Variants in GALNT13 observed in about 807,000 individuals in gnomAD.
GALNT13 encodes polypeptide N-acetylgalactosaminyltransferase 13.
A neutral mutation model predicts 64.2 loss-of-function variants in GALNT13; 28 were observed. The ratio of observed to expected loss-of-function variants is 0.44; its 90% confidence interval spans 0.32 to 0.60. The LOEUF is 0.60. GALNT13 is among the 20% of genes least tolerant of loss of function. GALNT13 has a pLI of 0.05. For missense variants in GALNT13, 577 were observed against 669.8 expected, an observed-to-expected ratio of 0.86 and a Z score of 1.53; for synonymous variants, 214 against 224.6, an observed-to-expected ratio of 0.95 and a Z score of 0.42.
At chr2:153,341,503 T>C in the GALNT13 span, among the ~76,000 whole-genome samples, 2 of 152,236 alleles carry the variant, frequency 1.3e-5, no homozygotes, top group Non-Finnish European at 2.9e-5. Context: ...TTCTCCTTCT[T>C]ACAGCATATC....
Position 153,918,668 on chromosome 2 carries a change from T to C in GALNT13, c.-105+17661T>C, listed in dbSNP as rs148237491. On this transcript the variant is annotated intron_variant, in intron 2 of 12. Transcript: ENST00000392825. ...CAGTGCTCTGGATCCTACAGCTATC[T>C]GTGCATGTTCTAAGGGTGATAGTTC... 5.9e-5 allele frequency among the ~76,000 whole-genome samples: 9 copies of C among 152,278 alleles called. No individual in the cohort carries two copies. The East Asian group carries it at 1.7e-3, about 29-fold the overall frequency.
intron 9 of GALNT13, among the ~76,000 whole-genome samples, chr2:154,317,760 T>C (rs1488585266): frequency 6.6e-6 from 1 of 152,126 alleles, no homozygotes; most frequent in Non-Finnish European, 1.5e-5. Flanking sequence ...CACAGTGTCC[T>C]GATTTTTGAA....
intron 3 of GALNT13, among the ~76,000 whole-genome samples, chr2:153,947,729 T>C (rs910460387): frequency 1.3e-5 from 2 of 152,138 alleles, no homozygotes; most frequent in African/African-American, 4.8e-5. Context: ...AAATTGCTTT[T>C]GGTGTCTTCA....
chr2:153,462,441 G>T, the GALNT13 span, among the ~76,000 whole-genome samples: 2 of 152,010 alleles, frequency 1.3e-5, no homozygotes, highest in Non-Finnish European at 2.9e-5. Flanking sequence ...GCAACTATTA[G>T]CTCTGCTTAT....
chr2:153,539,155 T>C, the GALNT13 span, among the ~76,000 whole-genome samples: 3 of 148,706 alleles, frequency 2.0e-5, no homozygotes, highest in African/African-American at 7.6e-5. Flanking sequence ...ATGATGAGCA[T>C]TTTTCCATGT....
At chr2:154,326,203 C>T (rs1198092279) in intron 9 of GALNT13, among the ~76,000 whole-genome samples, 1 of 151,816 alleles carries the variant, frequency 6.6e-6, no homozygotes, top group Admixed American at 6.6e-5. Context: ...TCTGGTTGGC[C>T]CTGTCTGGTG....
chr2:154,058,255 C>G (rs1699998323), intron 3 of GALNT13, among the ~76,000 whole-genome samples: 1 of 151,430 alleles, frequency 6.6e-6, no homozygotes, highest in Non-Finnish European at 1.5e-5. Flanking sequence ...AGAACCCAAT[C>G]ATACTGCCAT....
chr2:153,857,313 C>G, the GALNT13 span, among the ~76,000 whole-genome samples: 1 of 152,110 alleles, frequency 6.6e-6, no homozygotes, highest in African/African-American at 2.4e-5. Flanking sequence ...ACCACTGATA[C>G]AAGGATTTAT....
the GALNT13 span, among the ~76,000 whole-genome samples, chr2:153,488,759 G>A: frequency 2.0e-5 from 3 of 152,184 alleles, no homozygotes; most frequent in African/African-American, 2.4e-5. Flanking sequence ...TGGTTTGACT[G>A]CCTCCCCTCC....
chr2:153,119,866 G>A, the GALNT13 span, among the ~76,000 whole-genome samples: 16 of 152,274 alleles, frequency 1.1e-4, no homozygotes, highest in Admixed American at 8.5e-4. Context: ...ATCTTAACAC[G>A]TGTTCTACGT....
chr2:154,438,579 T>C lies in GALNT13; in HGVS notation c.1396-13T>C, dbSNP rs765000119. Reference sequence around the variant, plus strand: ...ACATACATTTTTTTTATTAGCTGAATTTATATTTTCAGGTATTTTCTTACA... The same window carrying C: ...ACATACATTTTTTTTATTAGCTGAACTTATATTTTCAGGTATTTTCTTACA... On this transcript the variant is annotated splice_polypyrimidine_tract_variant and intron_variant, in intron 11 of 12. Coordinates refer to ENST00000392825, the MANE Select transcript of GALNT13 (RefSeq NM_052917.4). The C allele has an allele frequency of 2.1e-5, 34 of 1,599,202 alleles. No individual in the cohort carries two copies. The South Asian group carries it at 2.5e-4, about 12-fold the overall frequency.
the GALNT13 span, among the ~76,000 whole-genome samples, chr2:153,352,953 T>G: frequency 6.6e-6 from 1 of 152,132 alleles, no homozygotes; most frequent in Non-Finnish European, 1.5e-5. Flanking sequence ...TGCCTCTGTC[T>G]ATAAACTATA....
At chr2:154,010,989 G>GT (rs1384337127) in intron 3 of GALNT13, among the ~76,000 whole-genome samples, 2 of 150,832 alleles carry the variant, frequency 1.3e-5, no homozygotes, top group African/African-American at 2.4e-5. Context: ...GATCTTCTCT[G>GT]TTTTTTTCTT....
the GALNT13 span, among the ~76,000 whole-genome samples, chr2:153,661,060 G>A: frequency 3.3e-5 from 5 of 152,118 alleles, no homozygotes; most frequent in African/African-American, 1.2e-4. Flanking sequence ...GGCTTCAGCA[G>A]CGTACAAATC....
chr2:154,108,935 T>C (rs1388257124), intron 3 of GALNT13, among the ~76,000 whole-genome samples: 1 of 152,112 alleles, frequency 6.6e-6, no homozygotes, highest in African/African-American at 2.4e-5. Context: ...TTAATTATCA[T>C]AGCTCTGTGG....
intron 3 of GALNT13, among the ~76,000 whole-genome samples, chr2:154,087,403 G>T (rs879310668): frequency 2.0e-5 from 3 of 151,916 alleles, no homozygotes; most frequent in Non-Finnish European, 4.4e-5. Flanking sequence ...TGATTATACT[G>T]AAACATTTTT....
At chr2:154,303,974 T>C (rs564704186) in intron 9 of GALNT13, among the ~76,000 whole-genome samples, 2 of 152,236 alleles carry the variant, frequency 1.3e-5, no homozygotes, top group East Asian at 3.9e-4. Context: ...GCCAGGCTGG[T>C]CTCGAACTCC....
At chr2:154,273,553 A>G (rs1253959545) in intron 8 of GALNT13, among the ~76,000 whole-genome samples, 1 of 152,154 alleles carries the variant, frequency 6.6e-6, no homozygotes, top group Non-Finnish European at 1.5e-5. Flanking sequence ...GTTTTGGTCA[A>G]CAACGACACA....
chr2:153,814,449 ATAAG>A, the GALNT13 span, among the ~76,000 whole-genome samples: 26 of 148,304 alleles, frequency 1.8e-4, no homozygotes, highest in African/African-American at 5.8e-4. Context: ...CAATAAATAA[ATAAG>A]TAAGTAAGTA....
Sources: gnomAD v4.1 joint callset for allele counts (sites outside exome capture counted in the v4.1 genomes callset) on GRCh38, gnomAD v4.1.1 for gene constraint, MANE v1.5 for transcripts, NCBI Gene and HGNC (gene_info 2026-07-23, HGNC 2026-07-21) for gene names.